WDR7: variants seen among roughly 807,000 people sequenced by gnomAD.
The protein encoded by WDR7 is WD repeat-containing protein 7.
A neutral mutation model predicts 169.4 loss-of-function variants in WDR7; 46 were observed. That is an observed-to-expected ratio of 0.27 (90% CI 0.21 to 0.35). The LOEUF (loss-of-function observed/expected upper bound fraction) is 0.35. WDR7 is among the 10% of genes least tolerant of loss of function. The probability of loss-of-function intolerance (pLI) is 1.00; values close to 1 mark genes in which losing one functional copy is unlikely to be tolerated. For synonymous variants in WDR7, 612 were observed against 666.8 expected (o/e 0.92, Z 1.27); for missense variants, 1,534 against 1,859.3 (o/e 0.83, Z 3.22).
Position 56,905,705 on chromosome 18 carries a change from G to A in WDR7, c.3527-18217G>A, listed in dbSNP as rs553632482. Among the ~76,000 whole-genome samples, 4 of 151,712 alleles carry A rather than the reference G, an allele frequency of 2.6e-5. 1 individual carries two copies. The East Asian group carries it at 5.8e-4, about 22-fold the overall frequency. On this transcript the variant is annotated intron_variant, in intron 21 of 27. Transcript: ENST00000254442. The stretch of plus-strand genomic sequence containing the variant: ...TAATGTGAAAACACCTCCACTTACA[G>A]TGACTGAGAATCCAGGAGCGATTTA...
chr18:56,776,767 CT>C lies in WDR7; in HGVS notation c.2849-11del, dbSNP rs757313074. 3 of 1,611,940 alleles carry C rather than the reference CT, an allele frequency of 1.9e-6. No homozygotes were observed. The highest frequency in any genetic ancestry group is 3.3e-5 in the Admixed American group (2 of 59,958). ...CAATTCTCTCCTCTTTACTTCTTCTCTTTTCCTCTGCAAGTTGCTGCACCTG... is the reference window on the plus strand; with the variant it reads ...CAATTCTCTCCTCTTTACTTCTTCTCTTTCCTCTGCAAGTTGCTGCACCTG... On this transcript the variant is annotated splice_polypyrimidine_tract_variant and intron_variant, in intron 16 of 27. Transcript: ENST00000254442.
At chr18:56,820,234 T>C (rs924797298) in intron 20 of WDR7, among the ~76,000 whole-genome samples, 10 of 150,606 alleles carry the variant, frequency 6.6e-5, no homozygotes, top group African/African-American at 2.0e-4. Context: ...AAAGTTCCTA[T>C]ATTCTTCTGA....
chr18:56,960,456 T>G (rs1352391318), intron 25 of WDR7, among the ~76,000 whole-genome samples: 1 of 152,184 alleles, frequency 6.6e-6, no homozygotes, highest in African/African-American at 2.4e-5. Context: ...GTGCAAATAA[T>G]AGGTAAAACA....
In WDR7 at chr18:56,923,954, C is replaced by T. The variant is rs759224157; in HGVS notation, c.3559C>T (p.Pro1187Ser). ...KALTFLLLQP[P>S]SPKLPPHSTI... ...ACTGACGTTTCTTCTGCTACAGCCTCCAAGCCCCAAACTTCCTCCACACAG... is the reference window on the plus strand; with the variant it reads ...ACTGACGTTTCTTCTGCTACAGCCTTCAAGCCCCAAACTTCCTCCACACAG... Residue 1187 changes from proline to serine, a missense_variant, in exon 22 of 28, where the codon CCA becomes TCA. Coordinates refer to ENST00000254442, the MANE Select transcript of WDR7 (RefSeq NM_015285.3). The T allele has an allele frequency of 2.5e-6, 4 of 1,581,176 alleles. No homozygotes were observed. The highest frequency in any genetic ancestry group is 2.3e-5 in the East Asian group (1 of 42,880).
At chr18:56,949,278 G>A (rs1173331920) in intron 25 of WDR7, among the ~76,000 whole-genome samples, 2 of 152,022 alleles carry the variant, frequency 1.3e-5, no homozygotes, top group Non-Finnish European at 2.9e-5. Context: ...TGTTTATGAA[G>A]GTTGTATCTA....
In WDR7 at chr18:57,029,102, A is replaced by G. The variant is rs2048410266; in HGVS notation, c.*1895A>G. On this transcript the variant is annotated 3_prime_UTR_variant, in exon 28 of 28. Coordinates refer to ENST00000254442, the MANE Select transcript of WDR7 (RefSeq NM_015285.3). The stretch of plus-strand genomic sequence containing the variant: ...ATTGTAGACTACATCTCTATTTGGA[A>G]TGATGAGGTAAATGTATACCTTAGC... 6.6e-6 allele frequency: 1 copy of G among 152,436 alleles called. No individual in the cohort carries two copies. Among genetic ancestry groups the G allele is most frequent in the Non-Finnish European group, 1.5e-5 (1 of 68,034 alleles). The allele number at this position is 152,436 out of a possible 1,614,324, so 9.4% of individuals were successfully genotyped here. A position where few individuals can be genotyped will look rare whatever the true frequency, so the allele number is the denominator to read the frequency against.
intron 26 of WDR7, among the ~76,000 whole-genome samples, chr18:56,990,166 A>G (rs1316287525): frequency 6.6e-6 from 1 of 152,260 alleles, no homozygotes; most frequent in African/African-American, 2.4e-5. Context: ...CAAAGGGCAC[A>G]GAGCTGAAGA....
At chr18:56,760,652 A>G (rs2043967750) in intron 16 of WDR7, among the ~76,000 whole-genome samples, 1 of 152,160 alleles carries the variant, frequency 6.6e-6, no homozygotes, top group Non-Finnish European at 1.5e-5. Context: ...TGTATTTTAA[A>G]CTTAGTGCAT....
At chr18:56,949,707 T>C (rs1433178270) in intron 25 of WDR7, among the ~76,000 whole-genome samples, 2 of 152,238 alleles carry the variant, frequency 1.3e-5, no homozygotes, top group Admixed American at 6.5e-5. Flanking sequence ...TTTACTGTTA[T>C]ATTAAATCCA....
chr18:56,653,799 G>A (rs2024708506), intron 1 of WDR7, among the ~76,000 whole-genome samples: 1 of 152,086 alleles, frequency 6.6e-6, no homozygotes, highest in African/African-American at 2.4e-5. Context: ...AGATACCCAT[G>A]TTATTTTCAT....
At chr18:56,915,916 C>A (rs1400846547) in intron 21 of WDR7, among the ~76,000 whole-genome samples, 1 of 152,144 alleles carries the variant, frequency 6.6e-6, no homozygotes, top group Non-Finnish European at 1.5e-5. Flanking sequence ...GAGGAGTTCT[C>A]CCCTCCTCCT....
intron 25 of WDR7, among the ~76,000 whole-genome samples, chr18:56,959,732 T>G (rs1332646573): frequency 1.2e-4 from 18 of 152,112 alleles, no homozygotes; most frequent in Non-Finnish European, 2.6e-4. Flanking sequence ...AAGTGCAGCT[T>G]TAAAAACTAT....
intron 20 of WDR7, among the ~76,000 whole-genome samples, chr18:56,867,692 T>C (rs909250925): frequency 6.6e-6 from 1 of 152,208 alleles, no homozygotes; most frequent in Non-Finnish European, 1.5e-5. Context: ...TTTCCCCTAC[T>C]GTTTATTTCA....
chr18:56,811,837 T>C (rs991218990), intron 19 of WDR7, among the ~76,000 whole-genome samples: 1 of 152,214 alleles, frequency 6.6e-6, no homozygotes, highest in Non-Finnish European at 1.5e-5. Flanking sequence ...ATTAACATAA[T>C]GTTTATTACT....
In WDR7 at chr18:56,754,565, T is replaced by A. The variant is rs114431959; in HGVS notation, c.1990-2018T>A. 1.0e-3 allele frequency among the ~76,000 whole-genome samples: 152 copies of A among 152,218 alleles called. 1 individual carries two copies. The highest frequency in any genetic ancestry group is 3.5e-3 in the African/African-American group (146 of 41,540). On this transcript the variant is annotated intron_variant, in intron 14 of 27. Transcript: ENST00000254442. ...GTGTGCACGCGTGTGCGTGTACGTG[T>A]GGATGAGTGTATAGTTTCATCTCAC...
At chr18:56,813,193 C>A (rs1410307249) in intron 19 of WDR7, among the ~76,000 whole-genome samples, 1 of 136,122 alleles carries the variant, frequency 7.3e-6, no homozygotes, top group Non-Finnish European at 1.6e-5. Context: ...AAAAAAAAAA[C>A]ATTAAAAAAA....
chr18:56,983,443 C>T (rs2047672872), intron 26 of WDR7, among the ~76,000 whole-genome samples: 1 of 152,128 alleles, frequency 6.6e-6, no homozygotes, highest in African/African-American at 2.4e-5. Flanking sequence ...CTGCTTCTAA[C>T]TATATTGCAC....
chr18:56,952,814 G>A (rs1031823997), intron 25 of WDR7, among the ~76,000 whole-genome samples: 6 of 152,182 alleles, frequency 3.9e-5, no homozygotes, highest in African/African-American at 1.4e-4. Flanking sequence ...ATTACTAAAT[G>A]CATATTACTA....
In WDR7 at chr18:57,028,310, AT is replaced by A. The variant is rs2048398286; in HGVS notation, c.*1106del. On this transcript the variant is annotated 3_prime_UTR_variant, in exon 28 of 28. Transcript: ENST00000254442. The stretch of plus-strand genomic sequence containing the variant: ...ATAAAAATATGTGGGCTCTCGATTT[AT>A]TTGAGCAAACATTGCAATGAGGGTG... 1 of 152,230 alleles carries A rather than the reference AT, an allele frequency of 6.6e-6. No homozygotes were observed. The highest frequency in any genetic ancestry group is 1.5e-5 in the Non-Finnish European group (1 of 68,038). The allele number at this position is 152,230 out of a possible 1,614,324, so 9.4% of individuals were successfully genotyped here. A position where few individuals can be genotyped will look rare whatever the true frequency, so the allele number is the denominator to read the frequency against.
Sources: gnomAD v4.1 joint callset for allele counts (sites outside exome capture counted in the v4.1 genomes callset) on GRCh38, gnomAD v4.1.1 for gene constraint, MANE v1.5 for transcripts, NCBI Gene and HGNC (gene_info 2026-07-23, HGNC 2026-07-21) for gene names.